NPAS3: variants seen among roughly 807,000 people sequenced by gnomAD.
NPAS3 encodes neuronal PAS domain protein 3.
In NPAS3, 14 loss-of-function variants were observed where a neutral mutation model predicts 73.1. That is an observed-to-expected ratio of 0.19 (90% confidence interval 0.13 to 0.30). The LOEUF is 0.30. Among genes scored for constraint, NPAS3 ranks in the 10% least tolerant of loss-of-function variants. NPAS3 has a pLI of 1.00. For synonymous variants in NPAS3, 620 were observed against 541.5 expected (o/e 1.14, Z -2.01); for missense variants, 1,096 against 1,250.0 (o/e 0.88, Z 1.86).
chr14:32,989,500 C>T (rs1055500764), intron 1 of NPAS3, among the ~76,000 whole-genome samples: 32 of 152,146 alleles, frequency 2.1e-4, no homozygotes, highest in African/African-American at 6.7e-4. Flanking sequence ...AAAAATTAGC[C>T]GGGCGAGGTG....
rs1047589712 is a variant in NPAS3 at position 33,151,453 on chromosome 14, G to A, written c.141-63729G>A. Among the ~76,000 whole-genome samples, 5 of 152,312 alleles carry A rather than the reference G, an allele frequency of 3.3e-5. No homozygotes were observed. The East Asian group carries it at 5.8e-4, about 18-fold the overall frequency. On this transcript the variant is annotated intron_variant, in intron 2 of 11. Coordinates refer to ENST00000356141, the Ensembl canonical transcript of NPAS3. ...CCCTGTTTTGGAATCAACGACTTCC[G>A]TCAGTTTGTATAAAAGAGGGTGATG... is the stretch of plus-strand genomic sequence containing the variant.
chr14:33,785,676 T>C lies in NPAS3; in HGVS notation c.1153+7104T>C, dbSNP rs542372081. Among the ~76,000 whole-genome samples, 3 of 152,282 alleles carry C rather than the reference T, an allele frequency of 2.0e-5. No individual in the cohort carries two copies. The South Asian group carries it at 6.2e-4, about 32-fold the overall frequency. ...ATTTAATTCATGTATGTGTCTAACA[T>C]GCAACAGTTTTCCCATACATGCAGG... On this transcript the variant is annotated intron_variant, in intron 9 of 11. Coordinates refer to ENST00000356141, the Ensembl canonical transcript of NPAS3.
intron 6 of NPAS3, among the ~76,000 whole-genome samples, chr14:33,710,688 G>A (rs1173536025): frequency 1.3e-5 from 2 of 152,110 alleles, no homozygotes; most frequent in African/African-American, 4.8e-5. Flanking sequence ...GTGAAGGACT[G>A]GCCCCAGGAC....
chr14:33,637,984 G>A lies in NPAS3; in HGVS notation c.559-38227G>A, dbSNP rs141524506. 3.2e-4 allele frequency among the ~76,000 whole-genome samples: 49 copies of A among 152,232 alleles called. 2 individuals carry two copies. The highest frequency in any genetic ancestry group is 1.1e-3 in the Admixed American group (17 of 15,286). On this transcript the variant is annotated intron_variant, in intron 5 of 11. Transcript: ENST00000356141. ...GTGTCTCCTATGAAGTGATCTTTCC[G>A]TGCTGTGAGTTCCGGTAGGGTTAGC... is the stretch of plus-strand genomic sequence containing the variant.
chr14:33,109,808 G>GTT (rs1282152425), intron 2 of NPAS3, among the ~76,000 whole-genome samples: 2 of 103,762 alleles, frequency 1.9e-5, no homozygotes, highest in Non-Finnish European at 3.9e-5. Context: ...TAATTTGCAT[G>GTT]TCTTTTTTTT....
chr14:33,085,013 T>C (rs2041976896), intron 2 of NPAS3, among the ~76,000 whole-genome samples: 1 of 152,170 alleles, frequency 6.6e-6, no homozygotes, highest in African/African-American at 2.4e-5. Flanking sequence ...CTGGAGAAGT[T>C]TTATAATTTT....
intron 2 of NPAS3, among the ~76,000 whole-genome samples, chr14:33,172,718 G>GA (rs1221565861): frequency 6.6e-6 from 1 of 151,256 alleles, no homozygotes; most frequent in East Asian, 1.9e-4. Flanking sequence ...CTCCAACCTG[G>GA]GTGACAGCCA....
intron 5 of NPAS3, among the ~76,000 whole-genome samples, chr14:33,625,804 A>G (rs561834465): frequency 6.6e-6 from 1 of 152,356 alleles, no homozygotes; most frequent in Admixed American, 6.5e-5. Context: ...TTGGGTATAA[A>G]GAATGGAAAA....
At chr14:33,091,463 A>G (rs1175956846) in intron 2 of NPAS3, among the ~76,000 whole-genome samples, 2 of 152,200 alleles carry the variant, frequency 1.3e-5, no homozygotes, top group African/African-American at 4.8e-5. Flanking sequence ...CCCTGAAGAA[A>G]CCAATAACAG....
chr14:33,629,051 G>A (rs1029034677), intron 5 of NPAS3, among the ~76,000 whole-genome samples: 9 of 152,186 alleles, frequency 5.9e-5, no homozygotes, highest in African/African-American at 1.7e-4. Context: ...CTAACACGGT[G>A]AAACCCCGTC....
intron 6 of NPAS3, among the ~76,000 whole-genome samples, chr14:33,716,781 C>T (rs1266290734): frequency 6.6e-6 from 1 of 151,944 alleles, no homozygotes; most frequent in Non-Finnish European, 1.5e-5. Context: ...TCTGCATGTC[C>T]TTTTTGTTGC....
chr14:33,626,042 G>A (rs996172038), intron 5 of NPAS3, among the ~76,000 whole-genome samples: 2 of 152,110 alleles, frequency 1.3e-5, no homozygotes, highest in Admixed American at 1.3e-4. Flanking sequence ...CTAGATAATG[G>A]CAAAACCAGA....
chr14:33,317,899 C>T (rs529386031), intron 3 of NPAS3, among the ~76,000 whole-genome samples: 1 of 152,018 alleles, frequency 6.6e-6, no homozygotes, highest in Admixed American at 6.6e-5. Context: ...CAGGAGAATA[C>T]CATCATTCTT....
At chr14:33,314,770 AT>A (rs1340323935) in intron 3 of NPAS3, among the ~76,000 whole-genome samples, 1 of 152,010 alleles carries the variant, frequency 6.6e-6, no homozygotes, top group African/African-American at 2.4e-5. Context: ...CATTAGCAAA[AT>A]TTGGCCTGGT....
intron 3 of NPAS3, among the ~76,000 whole-genome samples, chr14:33,347,492 C>A (rs1477040317): frequency 6.6e-6 from 1 of 152,198 alleles, no homozygotes. Context: ...GACTAAGATG[C>A]TTTTCCAACT....
At chr14:32,966,140 G>C (rs947097211) in intron 1 of NPAS3, among the ~76,000 whole-genome samples, 2 of 152,074 alleles carry the variant, frequency 1.3e-5, no homozygotes, top group Non-Finnish European at 2.9e-5. Flanking sequence ...GCAATCTACA[G>C]AATCAGTGCA....
At chr14:33,656,334 C>T (rs1277926544) in intron 5 of NPAS3, among the ~76,000 whole-genome samples, 1 of 152,144 alleles carries the variant, frequency 6.6e-6, no homozygotes, top group Admixed American at 6.5e-5. Context: ...TTATTAGCTG[C>T]CTAACATATG....
At chr14:33,021,837 G>A (rs970488529) in intron 1 of NPAS3, among the ~76,000 whole-genome samples, 3 of 152,092 alleles carry the variant, frequency 2.0e-5, no homozygotes, top group African/African-American at 7.2e-5. Context: ...TATAATAATT[G>A]CAGGAGTGGT....
chr14:33,481,948 A>C (rs1418240854), intron 4 of NPAS3, among the ~76,000 whole-genome samples: 1 of 152,094 alleles, frequency 6.6e-6, no homozygotes, highest in Non-Finnish European at 1.5e-5. Flanking sequence ...AAAATAAAAG[A>C]TACCAGTGTA....
Sources: gnomAD v4.1 joint callset for allele counts (sites outside exome capture counted in the v4.1 genomes callset) on GRCh38, gnomAD v4.1.1 for gene constraint, MANE v1.5 for transcripts, NCBI Gene and HGNC (gene_info 2026-07-23, HGNC 2026-07-21) for gene names.